Variants in AK7 observed in about 807,000 individuals in gnomAD.
AK7 encodes the protein ATP-AMP transphosphorylase 7.
A neutral mutation model predicts 96.6 loss-of-function variants in AK7; 78 were observed. The observed-to-expected ratio is 0.81, with a 90% CI of 0.67 to 0.97. The LOEUF is 0.97. Ranked by LOEUF, AK7 falls within the 50% of genes least tolerant of loss-of-function variation. The probability of loss-of-function intolerance (pLI) is 0.00; values close to 1 mark genes in which losing one functional copy is unlikely to be tolerated. For synonymous variants in AK7, 302 were observed against 317.2 expected, an observed-to-expected ratio of 0.95 and a Z score of 0.51; for missense variants, 855 against 887.9, an observed-to-expected ratio of 0.96 and a Z score of 0.47.
chr14:96,413,464 G>C (rs969695197), intron 4 of AK7, among the ~76,000 whole-genome samples: 2 of 152,196 alleles, frequency 1.3e-5, no homozygotes, highest in Non-Finnish European at 1.5e-5. Flanking sequence ...CTTCGGCAGA[G>C]TTGCTGTGGG....
intron 12 of AK7, among the ~76,000 whole-genome samples, chr14:96,462,216 G>A (rs1315488123): frequency 1.3e-5 from 2 of 152,114 alleles, no homozygotes; most frequent in Non-Finnish European, 2.9e-5. Flanking sequence ...CTTTAGAACA[G>A]CCAGCGTCCC....
intron 14 of AK7, among the ~76,000 whole-genome samples, chr14:96,473,159 C>T (rs1198521537): frequency 4.7e-5 from 7 of 148,286 alleles, no homozygotes; most frequent in African/African-American, 1.5e-4. Context: ...GTGCCTGCCA[C>T]CATGCCCAGC....
intron 1 of AK7, among the ~76,000 whole-genome samples, chr14:96,396,988 T>C (rs1051579331): frequency 6.6e-6 from 1 of 152,232 alleles, no homozygotes; most frequent in Non-Finnish European, 1.5e-5. Context: ...TCCCAGCTAC[T>C]CAGGAGGCTG....
In AK7 at chr14:96,395,786, C is replaced by T. The variant is rs57405536; in HGVS notation, c.106-2289C>T. Among the ~76,000 whole-genome samples the T allele has an allele frequency of 2.8e-3, 403 of 146,032 alleles. 1 individual carries two copies. The highest frequency in any genetic ancestry group is 9.6e-3 in the African/African-American group (383 of 39,990). ...TTTATCTCCTTCCTTAAATTAATCC[C>T]CTTTTGATTTTGAATTTTTTTTTTT... On this transcript the variant is annotated intron_variant, in intron 1 of 17. Transcript: ENST00000267584.
At chr14:96,474,079 G>T (rs1895049742) in intron 14 of AK7, among the ~76,000 whole-genome samples, 1 of 152,138 alleles carries the variant, frequency 6.6e-6, no homozygotes, top group Admixed American at 6.5e-5. Context: ...GCTTGAGGTA[G>T]ATATTCATAG....
intron 4 of AK7, among the ~76,000 whole-genome samples, chr14:96,412,836 G>T (rs1891119547): frequency 6.6e-6 from 1 of 152,152 alleles, no homozygotes; most frequent in Non-Finnish European, 1.5e-5. Context: ...CAAAGTGCTG[G>T]GATTACAGGC....
chr14:96,422,762 T>A (rs1351342513), intron 5 of AK7, among the ~76,000 whole-genome samples: 1 of 152,260 alleles, frequency 6.6e-6, no homozygotes, highest in Non-Finnish European at 1.5e-5. Flanking sequence ...TCTTTTATTC[T>A]GTAGCAATAG....
chr14:96,425,714 C>T (rs1323143263), intron 5 of AK7, among the ~76,000 whole-genome samples: 1 of 152,120 alleles, frequency 6.6e-6, no homozygotes, highest in Non-Finnish European at 1.5e-5. Context: ...GAACTCCTGA[C>T]CTCAGGTGAT....
At chr14:96,483,864 G>T (rs1178604453) in intron 16 of AK7, among the ~76,000 whole-genome samples, 1 of 152,048 alleles carries the variant, frequency 6.6e-6, no homozygotes, top group Non-Finnish European at 1.5e-5. Context: ...AACCTACCCA[G>T]GTGGTCAGCT....
chr14:96,418,089 G>A (rs1891448103), intron 4 of AK7, among the ~76,000 whole-genome samples: 2 of 151,848 alleles, frequency 1.3e-5, no homozygotes. Context: ...TTGGGAGGCC[G>A]AGGCAGGAGG....
At chr14:96,445,055 C>G (rs1566788744) in intron 7 of AK7, among the ~76,000 whole-genome samples, 1 of 152,182 alleles carries the variant, frequency 6.6e-6, no homozygotes. Context: ...TTGTCCCTGC[C>G]TTACAAGGAA....
intron 10 of AK7, 146 bp downstream of exon 10, chr14:96,451,716 G>T (rs780486577): frequency 1.4e-5 from 11 of 789,286 alleles, no homozygotes; most frequent in Non-Finnish European, 1.6e-5. Context: ...ATTTGTCCAG[G>T]TCTAACAAAT....
At chr14:96,424,786 A>C (rs1891926599) in intron 5 of AK7, among the ~76,000 whole-genome samples, 1 of 152,234 alleles carries the variant, frequency 6.6e-6, no homozygotes, top group South Asian at 2.1e-4. Context: ...GGGCTAGATT[A>C]GATGGTTTAA....
chr14:96,442,893 C>A, intron 7 of AK7, 75 bp downstream of exon 7: 3 of 1,365,660 alleles, frequency 2.2e-6, no homozygotes, highest in Non-Finnish European at 2.1e-6. Flanking sequence ...ACTTTTTGAG[C>A]ATTTGCCTAG....
Position 96,424,015 on chromosome 14 carries a change from A to G in AK7, c.609+3083A>G, listed in dbSNP as rs553655088. The G allele has an allele frequency of 2.6e-5, 20 of 778,606 alleles. No homozygotes were observed. The East Asian group carries it at 5.0e-4, about 19-fold the overall frequency. 48.2% of individuals were successfully genotyped at this position (778,606 alleles called of 1,614,324 possible). A position where few individuals can be genotyped will look rare whatever the true frequency, so the allele number is the denominator to read the frequency against. ...CCTGCTTGGAGCATCCGGGTCTGTC[A>G]AGACCCAGGTGTAGAGTTTCCCTAA... On this transcript the variant is annotated intron_variant, in intron 5 of 17. Transcript: ENST00000267584.
Position 96,478,672 on chromosome 14 carries a change from G to A in AK7, c.1753+10G>A. ...CACCCGATACATATTGGTATGAAAT[G>A]AATTCAAGGATAATGTGAATGTCCA... On this transcript the variant is annotated intron_variant, in intron 15 of 17. Transcript: ENST00000267584. The A allele has an allele frequency of 1.2e-6, 2 of 1,612,568 alleles. No homozygotes were observed. The highest frequency in any genetic ancestry group is 2.2e-5 in the South Asian group (2 of 91,040).
chr14:96,405,791 C>T (rs1890678018), intron 3 of AK7, among the ~76,000 whole-genome samples: 1 of 152,198 alleles, frequency 6.6e-6, no homozygotes, highest in East Asian at 1.9e-4. Flanking sequence ...GTAGAGAGTG[C>T]TTGTATTTTG....
intron 6 of AK7, among the ~76,000 whole-genome samples, chr14:96,439,220 A>G (rs917394892): frequency 8.5e-5 from 13 of 152,092 alleles, no homozygotes; most frequent in African/African-American, 2.9e-4. Context: ...GACATCAACT[A>G]CTGAATGAAT....
At chr14:96,469,998 G>A (rs1595455656) in intron 12 of AK7, among the ~76,000 whole-genome samples, 1 of 152,114 alleles carries the variant, frequency 6.6e-6, no homozygotes, top group East Asian at 1.9e-4. Flanking sequence ...TGTATTTTTA[G>A]TAGAGATGAG....
Sources: gnomAD v4.1 joint callset for allele counts (sites outside exome capture counted in the v4.1 genomes callset) on GRCh38, gnomAD v4.1.1 for gene constraint, MANE v1.5 for transcripts, NCBI Gene and HGNC (gene_info 2026-07-23, HGNC 2026-07-21) for gene names.